MYO16: variants seen among roughly 807,000 people sequenced by gnomAD.
MYO16 encodes unconventional myosin-XVI.
MYO16 carries 94 observed loss-of-function variants against 205.3 expected under a neutral mutation model. The observed-to-expected ratio is 0.46, with a 90% CI of 0.39 to 0.54. The LOEUF (loss-of-function observed/expected upper bound fraction) is 0.54, where lower values mean the gene tolerates loss of function less well. Ranked by LOEUF, MYO16 falls within the 20% of genes least tolerant of loss-of-function variation. The probability of loss-of-function intolerance (pLI) is 0.00; values close to 1 mark genes in which losing one functional copy is unlikely to be tolerated. For synonymous variants in MYO16, 988 were observed against 954.0 expected (o/e 1.04, Z -0.66); for missense variants, 2,315 against 2,387.5 (o/e 0.97, Z 0.63).
At chr13:109,015,338 T>C (rs964235353) in intron 22 of MYO16, among the ~76,000 whole-genome samples, 2 of 152,196 alleles carry the variant, frequency 1.3e-5, no homozygotes, top group Admixed American at 1.3e-4. Flanking sequence ...GATAAGCTCT[T>C]TGATGTGCTG....
chr13:108,985,495 G>C (rs149648558), intron 20 of MYO16, among the ~76,000 whole-genome samples: 1 of 152,224 alleles, frequency 6.6e-6, no homozygotes, highest in Non-Finnish European at 1.5e-5. Context: ...TGTAGCTGAC[G>C]TGTCAGCAGA....
intron 1 of MYO16, among the ~76,000 whole-genome samples, chr13:108,636,625 G>A (rs9587639): frequency 0.023 from 3,431 of 152,090 alleles, 126 homozygotes; most frequent in African/African-American, 0.078. Context: ...TGATCTGCCC[G>A]CCTTGGCCTC....
At chr13:108,853,185 G>A (rs541092115) in intron 10 of MYO16, among the ~76,000 whole-genome samples, 15 of 152,306 alleles carry the variant, frequency 9.8e-5, no homozygotes, top group East Asian at 9.7e-4. Context: ...GGTAGCGCTC[G>A]GTGCCTATGA....
intron 15 of MYO16, among the ~76,000 whole-genome samples, chr13:108,903,241 C>T (rs879314664): frequency 2.6e-5 from 4 of 152,146 alleles, no homozygotes; most frequent in Non-Finnish European, 4.4e-5. Flanking sequence ...CCTGGAATTG[C>T]GAACAGCATA....
chr13:108,762,565 C>G (rs1000234504), intron 4 of MYO16, among the ~76,000 whole-genome samples: 4 of 152,092 alleles, frequency 2.6e-5, no homozygotes, highest in Admixed American at 2.6e-4. Flanking sequence ...TTTTGACTTG[C>G]ATTTCTCTGA....
intron 20 of MYO16, among the ~76,000 whole-genome samples, chr13:108,970,842 T>C (rs549597891): frequency 2.0e-4 from 31 of 152,294 alleles, no homozygotes; most frequent in African/African-American, 7.5e-4. Context: ...GCCCCACACT[T>C]TCCCAAGTGT....
At chr13:108,821,766 A>G (rs1042210281) in intron 8 of MYO16, among the ~76,000 whole-genome samples, 2 of 152,040 alleles carry the variant, frequency 1.3e-5, no homozygotes, top group Admixed American at 6.6e-5. Flanking sequence ...TCTGGTCTAG[A>G]CTCAGCACTG....
Position 108,956,540 on chromosome 13 carries a change from A to G in MYO16, c.1926-1148A>G, listed in dbSNP as rs80296411. Among the ~76,000 whole-genome samples the G allele has an allele frequency of 3.4e-4, 51 of 151,754 alleles. No individual in the cohort carries two copies. The East Asian group carries it at 9.5e-3, about 28-fold the overall frequency. Reference sequence around the variant, plus strand: ...CAAACTCTTTTTTTTTCCAAGCTATACAAAGCCCTGGCTACTTCTCCAATC... The same window carrying G: ...CAAACTCTTTTTTTTTCCAAGCTATGCAAAGCCCTGGCTACTTCTCCAATC... On this transcript the variant is annotated intron_variant, in intron 16 of 34. Transcript: ENST00000457511.
intron 27 of MYO16, among the ~76,000 whole-genome samples, chr13:109,078,819 C>T (rs1313201105): frequency 6.6e-6 from 1 of 152,146 alleles, no homozygotes; most frequent in African/African-American, 2.4e-5. Flanking sequence ...GTACGCAGTG[C>T]CCATGAATTA....
chr13:108,572,787 C>T, the MYO16 span, among the ~76,000 whole-genome samples: 3 of 152,056 alleles, frequency 2.0e-5, no homozygotes, highest in South Asian at 6.2e-4. Flanking sequence ...TTTGAAAATA[C>T]CGTTAAATTA....
intron 8 of MYO16, among the ~76,000 whole-genome samples, chr13:108,822,741 C>T (rs1876047386): frequency 6.6e-6 from 1 of 152,068 alleles, no homozygotes; most frequent in East Asian, 1.9e-4. Flanking sequence ...CTTTATAACC[C>T]AGTTGATGGG....
chr13:108,506,404 T>A, the MYO16 span, among the ~76,000 whole-genome samples: 1 of 152,152 alleles, frequency 6.6e-6, no homozygotes, highest in African/African-American at 2.4e-5. Context: ...TCCTAAGCAT[T>A]TTATTCTTTT....
rs183212089 is a variant in MYO16 at position 108,968,660 on chromosome 13, T to C, written c.2369+3758T>C. Among the ~76,000 whole-genome samples, 3 of 152,144 alleles carry C rather than the reference T, an allele frequency of 2.0e-5. No individual in the cohort carries two copies. The East Asian group carries it at 5.8e-4, about 30-fold the overall frequency. ...AAAAAAGACAATGGAGTAAGGCATT[T>C]GGGAGTCAAAATAGCAATTTGATGA... On this transcript the variant is annotated intron_variant, in intron 20 of 34. Coordinates refer to ENST00000457511, the MANE Select transcript of MYO16 (RefSeq NM_001198950.3).
At chr13:108,795,689 A>G (rs1886769813) in intron 6 of MYO16, among the ~76,000 whole-genome samples, 1 of 152,270 alleles carries the variant, frequency 6.6e-6, no homozygotes, top group Non-Finnish European at 1.5e-5. Context: ...TAAATTAATG[A>G]AGAAATATAA....
chr13:109,147,184 A>G (rs1877381177), intron 32 of MYO16, among the ~76,000 whole-genome samples: 1 of 152,152 alleles, frequency 6.6e-6, no homozygotes, highest in African/African-American at 2.4e-5. Context: ...AGAAAAAAAA[A>G]AAAGATTCTA....
At chr13:108,988,979 C>T (rs1334332987) in intron 20 of MYO16, among the ~76,000 whole-genome samples, 2 of 152,150 alleles carry the variant, frequency 1.3e-5, no homozygotes, top group Admixed American at 6.6e-5. Flanking sequence ...TCTCCTACCA[C>T]GATGGGGCTC....
At chr13:108,880,546 G>T (rs1352243265) in intron 12 of MYO16, among the ~76,000 whole-genome samples, 2 of 152,144 alleles carry the variant, frequency 1.3e-5, no homozygotes, top group Non-Finnish European at 2.9e-5. Context: ...TGTATAAGGT[G>T]TAAGGAAGGG....
At chr13:108,953,184 T>C (rs942302821) in intron 16 of MYO16, among the ~76,000 whole-genome samples, 1 of 152,260 alleles carries the variant, frequency 6.6e-6, no homozygotes, top group Admixed American at 6.5e-5. Context: ...AACAGCCAAG[T>C]GTAAACTACG....
chr13:109,191,831 C>T (rs1339362067), intron 34 of MYO16, among the ~76,000 whole-genome samples: 2 of 152,146 alleles, frequency 1.3e-5, no homozygotes, highest in African/African-American at 2.4e-5. Context: ...TCTTTAAAAT[C>T]ATTTTACTCG....
Sources: gnomAD v4.1 joint callset for allele counts (sites outside exome capture counted in the v4.1 genomes callset) on GRCh38, gnomAD v4.1.1 for gene constraint, MANE v1.5 for transcripts, NCBI Gene and HGNC (gene_info 2026-07-23, HGNC 2026-07-21) for gene names.